Variants in MICALL1 observed in about 807,000 individuals in gnomAD.
The protein encoded by MICALL1 is MICAL-like protein 1.
MICALL1 carries 61 observed loss-of-function variants against 83.7 expected under a neutral mutation model. That is an observed-to-expected ratio of 0.73 (90% CI 0.59 to 0.90). MICALL1 has a LOEUF of 0.90. Among genes scored for constraint, MICALL1 ranks in the 40% least tolerant of loss-of-function variants. The pLI, the probability that MICALL1 is intolerant of heterozygous loss-of-function variation, is 0.00. For synonymous variants in MICALL1, 481 were observed against 473.6 expected, an observed-to-expected ratio of 1.02 and a Z score of -0.20; for missense variants, 1,066 against 1,152.0, an observed-to-expected ratio of 0.93 and a Z score of 1.08.
intron 3 of MICALL1, among the ~76,000 whole-genome samples, chr22:37,914,548 A>G (rs1021780694): frequency 6.2e-4 from 94 of 151,298 alleles, no homozygotes; most frequent in African/African-American, 2.2e-3. Flanking sequence ...CATTATATAT[A>G]TATATGTATA....
chr22:37,907,965 G>C (rs1440471270), intron 1 of MICALL1, among the ~76,000 whole-genome samples: 1 of 152,218 alleles, frequency 6.6e-6, no homozygotes, highest in African/African-American at 2.4e-5. Context: ...GAGGGCCCAA[G>C]GGGTCTTCTG....
chr22:37,910,122 T>G lies in MICALL1; in HGVS notation c.147-1830T>G, dbSNP rs138107867. On this transcript the variant is annotated intron_variant, in intron 1 of 15. Transcript: ENST00000215957. ...GAACTCCGCAGGCCTCTGAAGACTC[T>G]CAGAAAATATATGTGTTACCAAAAC... is the stretch of plus-strand genomic sequence containing the variant. Among the ~76,000 whole-genome samples the G allele has an allele frequency of 2.4e-3, 361 of 152,308 alleles. 1 individual carries two copies. Among genetic ancestry groups the G allele is most frequent in the African/African-American group, 8.2e-3 (341 of 41,550 alleles).
chr22:37,922,922 G>A (rs923951786), intron 6 of MICALL1, among the ~76,000 whole-genome samples: 5 of 148,496 alleles, frequency 3.4e-5, no homozygotes, highest in African/African-American at 1.2e-4. Context: ...ACAGGCGTGA[G>A]CCACTGTGCC....
chr22:37,911,403 GGGGCCTGTGAGCAGTGGGA>G (rs1309907424), intron 1 of MICALL1, among the ~76,000 whole-genome samples: 1 of 152,232 alleles, frequency 6.6e-6, no homozygotes, highest in African/African-American at 2.4e-5. Context: ...CACACCTGCA[GGGGCCTGTGAGCAGTGGGA>G]GGGCCAGACA....
At position 37,927,795 on chromosome 22, in the gene MICALL1, CT is replaced by C; in HGVS notation, c.1851del (p.Gly618GlufsTer9). On this transcript the variant is annotated frameshift_variant, in exon 9 of 16. Coordinates refer to ENST00000215957, the MANE Select transcript of MICALL1 (RefSeq NM_033386.4). LOFTEE classifies it high-confidence loss of function. ...LVGDRSPVPS[P>X]GSSSPQLQVK... ...GGAGACAGGAGCCCGGTGCCTTCCC[CT>C]GGAAGCTCGTCCCCACAGCTGCAGG... 1.9e-6 allele frequency: 3 copies of C among 1,610,928 alleles called. No homozygotes were observed. Among genetic ancestry groups the C allele is most frequent in the Non-Finnish European group, 2.5e-6 (3 of 1,178,238 alleles).
intron 1 of MICALL1, chr22:37,907,180 C>T (rs1207901908): frequency 2.6e-5 from 4 of 152,744 alleles, no homozygotes; most frequent in African/African-American, 7.2e-5. Flanking sequence ...AGCCCTGCCT[C>T]CCGGGTGTGT....
At chr22:37,909,594 G>A (rs915362563) in intron 1 of MICALL1, among the ~76,000 whole-genome samples, 10 of 151,258 alleles carry the variant, frequency 6.6e-5, no homozygotes, top group South Asian at 2.1e-4. Flanking sequence ...TCCTGACCTC[G>A]TGATCCACCT....
chr22:37,937,591 T>C (rs1463558658), intron 14 of MICALL1, among the ~76,000 whole-genome samples, 155 bp from the exon 15 acceptor site: 12 of 151,986 alleles, frequency 7.9e-5, no homozygotes, highest in African/African-American at 2.4e-5. Flanking sequence ...ACCCAGCTAC[T>C]TTTTGTATTT....
chr22:37,927,079 G>A (rs1929491802), intron 8 of MICALL1: 2 of 355,684 alleles, frequency 5.6e-6, no homozygotes, highest in Non-Finnish European at 1.0e-5. Context: ...CCGCACTGCA[G>A]ATCAGGGGCA....
At chr22:37,934,741 C>T (rs866969207) in intron 13 of MICALL1, among the ~76,000 whole-genome samples, 2 of 150,462 alleles carry the variant, frequency 1.3e-5, no homozygotes, top group South Asian at 2.1e-4. Context: ...GGACTACAGG[C>T]GCCTGCCACC....
chr22:37,931,587 T>C (rs1225887448), intron 9 of MICALL1, among the ~76,000 whole-genome samples: 1 of 152,068 alleles, frequency 6.6e-6, no homozygotes, highest in East Asian at 1.9e-4. Flanking sequence ...GTGCAGTAAC[T>C]GACACACGGG....
intron 1 of MICALL1, among the ~76,000 whole-genome samples, chr22:37,911,562 C>T (rs1355167444): frequency 1.3e-5 from 2 of 152,228 alleles, no homozygotes; most frequent in Admixed American, 6.5e-5. Context: ...CCCAGCACTG[C>T]GCCCTGGGGG....
At chr22:37,910,929 G>T (rs781339520) in intron 1 of MICALL1, among the ~76,000 whole-genome samples, 1 of 152,230 alleles carries the variant, frequency 6.6e-6, no homozygotes, top group Non-Finnish European at 1.5e-5. Context: ...CCTCAGAGGC[G>T]GCGTGGCCTG....
In MICALL1 at chr22:37,917,730, G is replaced by A; in HGVS notation, c.361G>A (p.Gly121Ser). The change falls in exon 4 of 16, where the codon GGC becomes AGC. Residue 121 changes from glycine (G) to serine (S), a missense_variant. By Grantham distance (56) the Gly-to-Ser change is moderately conservative. Transcript: ENST00000215957. Reference protein sequence around the residue: ...GQAGVSPPRKGLAPCSPPSVA... With the variant: ...GQAGVSPPRKSLAPCSPPSVA... ...AGCTGGTGTCTCGCCACCCAGAAAG[G>A]GCCTTGCACCCTGTTCCCCGCCGTC... The A allele has an allele frequency of 6.2e-7, 1 of 1,613,900 alleles. No individual in the cohort carries two copies. The highest frequency in any genetic ancestry group is 8.5e-7 in the Non-Finnish European group (1 of 1,179,916).
chr22:37,921,835 T>C, intron 5 of MICALL1, 137 bp from the exon 6 acceptor site: 5 of 696,362 alleles, frequency 7.2e-6, no homozygotes, highest in Non-Finnish European at 1.2e-5. Flanking sequence ...CTCTGGGAAG[T>C]CTAGGGTATG....
chr22:37,917,036 T>A (rs1015897312), intron 3 of MICALL1, among the ~76,000 whole-genome samples: 1 of 152,096 alleles, frequency 6.6e-6, no homozygotes, highest in African/African-American at 2.4e-5. Flanking sequence ...CATGTCCAGC[T>A]GATTTTTGTA....
rs1929297159 is a variant in MICALL1, at chr22:37,924,540, G to T, written c.1025-120G>T. On this transcript the variant is annotated intron_variant, in intron 6 of 15. Transcript: ENST00000215957. The surrounding 1 kb of genome is among the most constrained non-coding windows in gnomAD (Gnocchi z 5.2). ...AATCTCCATGGGCTGGCCTGGGGAG[G>T]TGCGAGGGTGCCAGGAGGAAGGCGG... 12 of 916,362 alleles carry T rather than the reference G, an allele frequency of 1.3e-5. No individual in the cohort carries two copies. The East Asian group carries it at 3.2e-4, about 24-fold the overall frequency. The allele number at this position is 916,362 out of a possible 1,614,324, so 56.8% of individuals were successfully genotyped here.
In MICALL1 at chr22:37,909,545, A is replaced by C. The variant is rs977044022; in HGVS notation, c.147-2407A>C. ...GGCTAATTTGTTGTATTTTTAGCAG[A>C]GACGGGGTTTCACTGTGTTAGTCAG... is the stretch of plus-strand genomic sequence containing the variant. On this transcript the variant is annotated intron_variant, in intron 1 of 15. Transcript: ENST00000215957. Among the ~76,000 whole-genome samples, 13 of 151,892 alleles carry C rather than the reference A, an allele frequency of 8.6e-5. 1 individual carries two copies. Among genetic ancestry groups the C allele is most frequent in the Admixed American group, 7.9e-4 (12 of 15,242 alleles).
rs540967723 is a variant in MICALL1 at position 37,909,047 on chromosome 22, G to T, written c.146+2479G>T. On this transcript the variant is annotated intron_variant, in intron 1 of 15. Transcript: ENST00000215957. Reference sequence around the variant, plus strand: ...TAGGGGCCTCAGGGAACCATGCAGGGTTTTTTTTGTTTTTGTTTTTGTTTT... The same window carrying T: ...TAGGGGCCTCAGGGAACCATGCAGGTTTTTTTTTGTTTTTGTTTTTGTTTT... Among the ~76,000 whole-genome samples the T allele has an allele frequency of 6.4e-4, 96 of 150,324 alleles. 1 individual carries two copies. The South Asian group carries it at 8.3e-3, about 13-fold the overall frequency.
Sources: gnomAD v4.1 joint callset for allele counts (sites outside exome capture counted in the v4.1 genomes callset) on GRCh38, gnomAD v4.1.1 for gene constraint, Gnocchi (gnomAD v3.1) non-coding constraint, MANE v1.5 for transcripts, NCBI Gene and HGNC (gene_info 2026-07-23, HGNC 2026-07-21) for gene names.